Variants in COMMD9 observed in about 807,000 individuals in gnomAD.
COMMD9 encodes the protein COMM domain-containing protein 9.
Under a neutral mutation model 23.4 loss-of-function variants are expected in COMMD9, and 22 were observed. The ratio of observed to expected loss-of-function variants is 0.94; its 90% CI spans 0.67 to 1.34. The LOEUF is 1.34. Ranked by LOEUF, COMMD9 falls within the 40% of genes most tolerant of loss-of-function variation. COMMD9 has a pLI of 0.00. For missense variants in COMMD9, 231 were observed against 240.2 expected, an observed-to-expected ratio of 0.96 and a Z score of 0.25; for synonymous variants, 99 against 97.4, an observed-to-expected ratio of 1.02 and a Z score of -0.10.
Position 36,274,060 on chromosome 11 carries a change from G to T in COMMD9, c.*572C>A. 3.2e-6 allele frequency: 1 copy of T among 316,432 alleles called. No homozygotes were observed. The highest frequency in any genetic ancestry group is 6.3e-6 in the Non-Finnish European group (1 of 157,950). The allele number at this position is 316,432 out of a possible 1,614,324, so 19.6% of individuals were successfully genotyped here. ...GAGGGCCCTGGTTTCATGAAGAAGG[G>T]AATTAGCACCCATTTCAGACTTCCT... On this transcript the variant is annotated 3_prime_UTR_variant, in exon 6 of 6. Transcript: ENST00000263401.
intron 1 of COMMD9, among the ~76,000 whole-genome samples, chr11:36,282,259 T>G (rs187026897): frequency 5.2e-4 from 79 of 152,172 alleles, no homozygotes; most frequent in African/African-American, 1.8e-3. Context: ...GCTCAAAACT[T>G]CTCAAGTTTA....
At position 36,274,535 on chromosome 11, in the gene COMMD9, G is replaced by A. The variant is rs964171447; in HGVS notation, c.*97C>T. The A allele has an allele frequency of 2.7e-6, 4 of 1,496,546 alleles. No homozygotes were observed. The highest frequency in any genetic ancestry group is 3.7e-6 in the Non-Finnish European group (4 of 1,087,498). The allele number at this position is 1,496,546 out of a possible 1,614,324, so 92.7% of individuals were successfully genotyped here. ...CCCTGCTGTCCCCACCATCCTGCCT[G>A]TTGTCAGCTGCAGCTGCAAGGGCAG... is the stretch of plus-strand genomic sequence containing the variant. On this transcript the variant is annotated 3_prime_UTR_variant, in exon 6 of 6. Coordinates refer to ENST00000263401, the MANE Select transcript of COMMD9 (RefSeq NM_014186.4).
At chr11:36,283,262 A>T (rs189604128) in intron 1 of COMMD9, among the ~76,000 whole-genome samples, 1 of 152,188 alleles carries the variant, frequency 6.6e-6, no homozygotes, top group African/African-American at 2.4e-5. Context: ...AAACCATCAC[A>T]ATCAGGAAGA....
Position 36,278,548 on chromosome 11 carries a change from A to G in COMMD9, c.246T>C (p.Ile82=). 1 of 1,614,160 alleles carries G rather than the reference A, an allele frequency of 6.2e-7. No individual in the cohort carries two copies. The highest frequency in any genetic ancestry group is 8.5e-7 in the Non-Finnish European group (1 of 1,179,956). ...AFRDLSSAEA[I]LALFPENFHQ... is the part of the protein sequence containing the mutation. ...GGAAATTTTCTGGAAAGAGAGCCAG[A>G]ATTGCCTCGGCAGAGGACAGGTCAC... Residue 82 remains isoleucine, a synonymous_variant, in exon 3 of 6, where the codon ATT becomes ATC. Coordinates refer to ENST00000263401, the MANE Select transcript of COMMD9 (RefSeq NM_014186.4).
In COMMD9 at chr11:36,274,349, C is replaced by A. The variant is rs746675273; in HGVS notation, c.*283G>T. 1 of 638,712 alleles carries A rather than the reference C, an allele frequency of 1.6e-6. No individual in the cohort carries two copies. The highest frequency in any genetic ancestry group is 1.5e-5 in the South Asian group (1 of 66,220). The allele number at this position is 638,712 out of a possible 1,614,324, so 39.6% of individuals were successfully genotyped here. On this transcript the variant is annotated 3_prime_UTR_variant, in exon 6 of 6. Coordinates refer to ENST00000263401, the MANE Select transcript of COMMD9 (RefSeq NM_014186.4). ...AGAGGCAGCTGACGATGCAAATGTT[C>A]CCTCACCCTGCCATGGTGGTAATTA...
rs1406927949 is a variant in COMMD9 at position 36,277,093 on chromosome 11, A to T, written c.348T>A (p.Asn116Lys). 1 of 1,606,480 alleles carries T rather than the reference A, an allele frequency of 6.2e-7. No individual in the cohort carries two copies. Among genetic ancestry groups the T allele is most frequent in the Non-Finnish European group, 8.5e-7 (1 of 1,176,462 alleles). ...VSTWRTEAQA[N>K]QISLPRLVDL... ...GGCAGATTTATTGGTACTCACTCTG[A>T]TTTGCCTGGGCTTCGGTTCTCCAAG... Residue 116 changes from asparagine (N) to lysine (K), a missense_variant, in exon 4 of 6, where the codon AAT (asparagine) becomes AAA (lysine). Coordinates refer to ENST00000263401, the MANE Select transcript of COMMD9 (RefSeq NM_014186.4).
chr11:36,273,887 T>C lies in COMMD9; in HGVS notation c.*745A>G, dbSNP rs939633399. 1 of 166,482 alleles carries C rather than the reference T, an allele frequency of 6.0e-6. No homozygotes were observed. The highest frequency in any genetic ancestry group is 2.4e-5 in the African/African-American group (1 of 41,824). The allele number at this position is 166,482 out of a possible 1,614,324, so 10.3% of individuals were successfully genotyped here. ...TTAGCTGGGAATTAGGAAGTTGGGA[T>C]CATCTTTAAAAACTAGAGAAGGTAC... On this transcript the variant is annotated 3_prime_UTR_variant, in exon 6 of 6. Coordinates refer to ENST00000263401, the MANE Select transcript of COMMD9 (RefSeq NM_014186.4).
intron 1 of COMMD9, among the ~76,000 whole-genome samples, chr11:36,282,682 C>A (rs1856086460): frequency 6.6e-6 from 1 of 152,206 alleles, no homozygotes; most frequent in East Asian, 1.9e-4. Context: ...AACAATGAAA[C>A]AAGAAACCAT....
intron 2 of COMMD9, among the ~76,000 whole-genome samples, chr11:36,279,167 C>T (rs1276351878): frequency 6.6e-6 from 1 of 152,130 alleles, no homozygotes; most frequent in Non-Finnish European, 1.5e-5. Flanking sequence ...GGTCTTGAAT[C>T]CAGGGTGGTA....
chr11:36,274,440 A>G lies in COMMD9; in HGVS notation c.*192T>C. Reference sequence around the variant, plus strand: ...CTCCAGCTTCAGAAAGAGAAAGAAGATGAGTGAGAACAGCGGGGGATCTGG... The same window carrying G: ...CTCCAGCTTCAGAAAGAGAAAGAAGGTGAGTGAGAACAGCGGGGGATCTGG... On this transcript the variant is annotated 3_prime_UTR_variant, in exon 6 of 6. Coordinates refer to ENST00000263401, the MANE Select transcript of COMMD9 (RefSeq NM_014186.4). The G allele has an allele frequency of 1.3e-6, 1 of 764,400 alleles. No homozygotes were observed. Among genetic ancestry groups the G allele is most frequent in the South Asian group, 1.4e-5 (1 of 70,650 alleles). 47.4% of individuals were successfully genotyped at this position (764,400 alleles called of 1,614,324 possible). A position where few individuals can be genotyped will look rare whatever the true frequency, so the allele number is the denominator to read the frequency against.
Position 36,278,514 on chromosome 11 carries a change from G to A in COMMD9, c.280C>T (p.Leu94Phe). The change falls in exon 3 of 6, where the codon CTC becomes TTC. Residue 94 changes from leucine (L) to phenylalanine (F), a missense_variant. Transcript: ENST00000263401. ...ATGATCTTTGTCAGCAGGTTTTTGA[G>A]GTTTTGGTGGAAATTTTCTGGAAAG... ...ALFPENFHQN[L>F]KNLLTKIILE... 3 of 1,614,090 alleles carry A rather than the reference G, an allele frequency of 1.9e-6. No homozygotes were observed. The highest frequency in any genetic ancestry group is 1.1e-5 in the South Asian group (1 of 91,082).
At chr11:36,282,583 GAC>G in intron 1 of COMMD9, among the ~76,000 whole-genome samples, 1 of 152,078 alleles carries the variant, frequency 6.6e-6, no homozygotes, top group African/African-American at 2.4e-5. Flanking sequence ...AAGAAATCGA[GAC>G]ATTCTCAGTT....
rs571507338 is a variant in COMMD9 at position 36,273,534 on chromosome 11, T to G, written c.*1098A>C. On this transcript the variant is annotated 3_prime_UTR_variant, in exon 6 of 6. Coordinates refer to ENST00000263401, the MANE Select transcript of COMMD9 (RefSeq NM_014186.4). ...TCCTTCTCTGTCACCCAGACTGGAG[T>G]GCAGTGGCACGATCTCGGCTCACTG... 1 of 152,416 alleles carries G rather than the reference T, an allele frequency of 6.6e-6. No homozygotes were observed. Among genetic ancestry groups the G allele is most frequent in the Admixed American group, 6.5e-5 (1 of 15,298 alleles). 9.4% of individuals were successfully genotyped at this position (152,416 alleles called of 1,614,324 possible).
chr11:36,283,006 G>A (rs1456552649), intron 1 of COMMD9, among the ~76,000 whole-genome samples: 1 of 152,216 alleles, frequency 6.6e-6, no homozygotes, highest in East Asian at 1.9e-4. Context: ...AGGGTAAGAG[G>A]AGAAAAGGCA....
intron 3 of COMMD9, 35 bp from the exon 4 acceptor site, chr11:36,277,158 GA>G: frequency 6.5e-7 from 1 of 1,536,012 alleles, no homozygotes; most frequent in Non-Finnish European, 8.9e-7. Context: ...AAAAATAATG[GA>G]AAGGGGATGA....
At chr11:36,285,259 T>C (rs1856132485) in intron 1 of COMMD9, among the ~76,000 whole-genome samples, 1 of 152,108 alleles carries the variant, frequency 6.6e-6, no homozygotes, top group Admixed American at 6.5e-5. Flanking sequence ...ATAATTTAAA[T>C]AAAATGGGCC....
In COMMD9 at chr11:36,272,947, G is replaced by A. The variant is rs564691787; in HGVS notation, c.*1685C>T. 1.3e-4 allele frequency: 20 copies of A among 152,272 alleles called. No homozygotes were observed. The South Asian group carries it at 2.7e-3, about 21-fold the overall frequency. 9.4% of individuals were successfully genotyped at this position (152,272 alleles called of 1,614,324 possible). ...TAATACTAATTCTCACACCAACTCT[G>A]TTATAGTAGATGAGACAATAAATGC... On this transcript the variant is annotated 3_prime_UTR_variant, in exon 6 of 6. Coordinates refer to ENST00000263401, the MANE Select transcript of COMMD9 (RefSeq NM_014186.4).
chr11:36,284,165 A>G (rs1446495172), intron 1 of COMMD9, among the ~76,000 whole-genome samples: 1 of 152,184 alleles, frequency 6.6e-6, no homozygotes, highest in Non-Finnish European at 1.5e-5. Flanking sequence ...AATATAAGAC[A>G]TAAGGCAGGT....
chr11:36,274,476 C>T lies in COMMD9; in HGVS notation c.*156G>A. On this transcript the variant is annotated 3_prime_UTR_variant, in exon 6 of 6. Transcript: ENST00000263401. ...CAGCGGGGGATCTGGCTGCTTCTTCCCAATCCAACTGTAACTTCTGGATGG... is the reference window on the plus strand; with the variant it reads ...CAGCGGGGGATCTGGCTGCTTCTTCTCAATCCAACTGTAACTTCTGGATGG... 1.1e-6 allele frequency: 1 copy of T among 937,256 alleles called. No homozygotes were observed. The highest frequency in any genetic ancestry group is 2.4e-5 in the East Asian group (1 of 41,568). 58.1% of individuals were successfully genotyped at this position (937,256 alleles called of 1,614,324 possible). A position where few individuals can be genotyped will look rare whatever the true frequency, so the allele number is the denominator to read the frequency against.
Sources: gnomAD v4.1 joint callset for allele counts (sites outside exome capture counted in the v4.1 genomes callset) on GRCh38, gnomAD v4.1.1 for gene constraint, MANE v1.5 for transcripts, NCBI Gene and HGNC (gene_info 2026-07-23, HGNC 2026-07-21) for gene names.